SLC36A4: variants seen among roughly 807,000 people sequenced by gnomAD.
The protein encoded by SLC36A4 is neutral amino acid uniporter 4.
Under a neutral mutation model 50.5 loss-of-function variants are expected in SLC36A4, and 49 were observed. That is an observed-to-expected ratio of 0.97 (90% CI 0.77 to 1.23). The LOEUF (loss-of-function observed/expected upper bound fraction) is 1.23. SLC36A4 is among the 50% of genes most tolerant of loss of function. The pLI, the probability that SLC36A4 is intolerant of heterozygous loss-of-function variation, is 0.00. For synonymous variants in SLC36A4, 207 were observed against 206.5 expected, an observed-to-expected ratio of 1.00 and a Z score of -0.02; for missense variants, 611 against 608.4, an observed-to-expected ratio of 1.00 and a Z score of -0.05.
At position 93,166,017 on chromosome 11, in the gene SLC36A4, C is replaced by T; in HGVS notation, c.769-1G>A. 6.3e-7 allele frequency: 1 copy of T among 1,591,314 alleles called. No individual in the cohort carries two copies. The highest frequency in any genetic ancestry group is 8.5e-7 in the Non-Finnish European group (1 of 1,169,592). On this transcript the variant is annotated splice_acceptor_variant, in intron 7 of 10. Coordinates refer to ENST00000326402, the MANE Select transcript of SLC36A4 (RefSeq NM_152313.4). LOFTEE classifies it high-confidence loss of function. Reference sequence around the variant, plus strand: ...GAAGGTTGTGGGGATCTGGCATGTTCTAAAGAAAGGAAGAAAAAAAGAAGA... The same window carrying T: ...GAAGGTTGTGGGGATCTGGCATGTTTTAAAGAAAGGAAGAAAAAAAGAAGA...
intron 7 of SLC36A4, 48 bp from the exon 8 acceptor site, chr11:93,166,064 CT>C: frequency 7.1e-7 from 1 of 1,406,484 alleles, no homozygotes; most frequent in South Asian, 1.3e-5. Flanking sequence ...TTTACTTATT[CT>C]AAATAATTAA....
In SLC36A4 at chr11:93,168,861, AACAAATATGATTT is replaced by A. The variant is rs1387586271; in HGVS notation, c.541-703_541-691del. Among the ~76,000 whole-genome samples, 8 of 152,200 alleles carry A rather than the reference AACAAATATGATTT, an allele frequency of 5.3e-5. No homozygotes were observed. In the East Asian group the frequency reaches 9.6e-4, roughly 18 times the overall value. ...CTATAACCCAATTTTCAGATTTCAA[AACAAATATGATTT>A]ACAAATATGATTTACAGTCTCCATA... is the stretch of plus-strand genomic sequence containing the variant. On this transcript the variant is annotated intron_variant, in intron 6 of 10. Coordinates refer to ENST00000326402, the MANE Select transcript of SLC36A4 (RefSeq NM_152313.4).
intron 6 of SLC36A4, among the ~76,000 whole-genome samples, chr11:93,179,396 T>C (rs1254256479): frequency 6.6e-6 from 1 of 152,152 alleles, no homozygotes; most frequent in Non-Finnish European, 1.5e-5. Flanking sequence ...TTAACTTCAG[T>C]ACAGCATGAT....
rs1342924114 is a variant in SLC36A4, at chr11:93,172,422, T to C, written c.541-4251A>G. On this transcript the variant is annotated intron_variant, in intron 6 of 10. Transcript: ENST00000326402. Reference sequence around the variant, plus strand: ...GTCCCCTCCCACTCTTCCCCCCAAGTCCCCAAAGTCCACTGTATCATTCTT... The same window carrying C: ...GTCCCCTCCCACTCTTCCCCCCAAGCCCCCAAAGTCCACTGTATCATTCTT... Among the ~76,000 whole-genome samples, 3 of 151,342 alleles carry C rather than the reference T, an allele frequency of 2.0e-5. No individual in the cohort carries two copies. The East Asian group carries it at 5.8e-4, about 29-fold the overall frequency.
intron 9 of SLC36A4, among the ~76,000 whole-genome samples, chr11:93,157,998 A>G (rs922640498): frequency 6.6e-6 from 1 of 152,210 alleles, no homozygotes; most frequent in African/African-American, 2.4e-5. Context: ...CTGCTATAAC[A>G]TATTTATCAT....
At chr11:93,177,691 A>G (rs1376545325) in intron 6 of SLC36A4, among the ~76,000 whole-genome samples, 2 of 152,170 alleles carry the variant, frequency 1.3e-5, no homozygotes, top group African/African-American at 2.4e-5. Context: ...AAGAGCTAAT[A>G]TTGCAGAACG....
intron 1 of SLC36A4, among the ~76,000 whole-genome samples, chr11:93,188,472 G>A (rs1039151383): frequency 6.6e-6 from 1 of 152,166 alleles, no homozygotes; most frequent in African/African-American, 2.4e-5. Context: ...CAAAACTGAT[G>A]AGGATTTTCT....
intron 9 of SLC36A4, among the ~76,000 whole-genome samples, chr11:93,159,559 T>C (rs906265284): frequency 2.0e-5 from 3 of 152,174 alleles, no homozygotes; most frequent in African/African-American, 7.2e-5. Context: ...GTCATCTTAA[T>C]TGAGAACTAT....
intron 1 of SLC36A4, among the ~76,000 whole-genome samples, chr11:93,192,507 T>C (rs1452822125): frequency 1.3e-5 from 2 of 152,188 alleles, no homozygotes; most frequent in Non-Finnish European, 1.5e-5. Flanking sequence ...TGCAATGTAA[T>C]ATAAATGTAA....
intron 5 of SLC36A4, 42 bp downstream of exon 5, chr11:93,181,649 T>C: frequency 2.2e-6 from 3 of 1,381,892 alleles, no homozygotes; most frequent in Non-Finnish European, 2.8e-6. Context: ...AAAATTAACA[T>C]AATTTTAACA....
chr11:93,150,602 T>C (rs1860039833), intron 10 of SLC36A4, among the ~76,000 whole-genome samples: 1 of 152,010 alleles, frequency 6.6e-6, no homozygotes. Context: ...AATGAAATAA[T>C]TGACTCTAAA....
intron 8 of SLC36A4, among the ~76,000 whole-genome samples, chr11:93,165,108 TCA>T (rs1661520175): frequency 2.0e-5 from 3 of 152,158 alleles, no homozygotes; most frequent in Admixed American, 2.0e-4. Flanking sequence ...AAAGGAGAAT[TCA>T]CAGAGAGCAG....
At chr11:93,193,910 G>T (rs373268776) in intron 1 of SLC36A4, among the ~76,000 whole-genome samples, 5 of 152,062 alleles carry the variant, frequency 3.3e-5, no homozygotes, top group African/African-American at 9.7e-5. Flanking sequence ...CATTACTGAC[G>T]TTGAAAATTG....
Position 93,148,713 on chromosome 11 carries a change from T to C in SLC36A4, c.1339A>G (p.Ile447Val), listed in dbSNP as rs769698845. 87 of 1,612,848 alleles carry C rather than the reference T, an allele frequency of 5.4e-5. No homozygotes were observed. Among genetic ancestry groups the C allele is most frequent in the Non-Finnish European group, 7.3e-5 (86 of 1,179,350 alleles). ...ILTFSKEHYN[I>V]WMVLKNISIA... Reference sequence around the variant, plus strand: ...GAAATATTTTTCAGGACCATCCATATATTATAATGTTCCTTCGAAAATGTA... The same window carrying C: ...GAAATATTTTTCAGGACCATCCATACATTATAATGTTCCTTCGAAAATGTA... Residue 447 changes from isoleucine (I) to valine (V), a missense_variant, in exon 11 of 11, where the codon ATA becomes GTA. Transcript: ENST00000326402.
rs752118168 is a variant in SLC36A4 at position 93,162,747 on chromosome 11, T to C, written c.996A>G (p.Glu332=). The C allele has an allele frequency of 1.9e-6, 3 of 1,612,782 alleles. No individual in the cohort carries two copies. The highest frequency in any genetic ancestry group is 3.4e-5 in the Admixed American group (2 of 59,676). ...ATLGYMCFHD[E]IKGSITLNLP... ...GATTTAAAGTTATGCTGCCTTTGAT[T>C]TCATCATGGAAACACATATATCCTA... is the stretch of plus-strand genomic sequence containing the variant. The change falls in exon 9 of 11, where the codon GAA becomes GAG. Residue 332 remains glutamate (E), a synonymous_variant. Transcript: ENST00000326402.
At chr11:93,183,675 G>A (rs1384196180) in intron 3 of SLC36A4, among the ~76,000 whole-genome samples, 2 of 151,624 alleles carry the variant, frequency 1.3e-5, no homozygotes, top group Non-Finnish European at 2.9e-5. Flanking sequence ...AAAAGTTATT[G>A]TTATTACTTT....
rs762051458 is a variant in SLC36A4, at chr11:93,167,956, C to T, written c.756G>A (p.Gln252=). Residue 252 remains glutamine (Q), a synonymous_variant, in exon 7 of 11, where the codon CAG becomes CAA. Coordinates refer to ENST00000326402, the MANE Select transcript of SLC36A4 (RefSeq NM_152313.4). ...TTTTTATACTTACCCTGACAACATA[C>T]TGGTAAATTATCACAAGACTGACAG... is the stretch of plus-strand genomic sequence containing the variant. The part of the protein sequence containing the change: ...SMAVSLVIIY[Q]YVVRNMPDPH... 1.2e-6 allele frequency: 2 copies of T among 1,603,824 alleles called. No homozygotes were observed. The highest frequency in any genetic ancestry group is 2.2e-5 in the South Asian group (2 of 89,208).
intron 8 of SLC36A4, 129 bp downstream of exon 8, chr11:93,165,789 A>C (rs1301290184): frequency 1.8e-6 from 1 of 563,554 alleles, no homozygotes; most frequent in Non-Finnish European, 2.9e-6. Context: ...CTATCACACC[A>C]AATTGGAAAT....
chr11:93,193,051 C>CTT (rs149190374), intron 1 of SLC36A4: 7 of 706,476 alleles, frequency 9.9e-6, no homozygotes, highest in Non-Finnish European at 1.2e-5. Flanking sequence ...TCAATAAACA[C>CTT]TTTTTTTGTC....
Sources: gnomAD v4.1 joint callset for allele counts (sites outside exome capture counted in the v4.1 genomes callset) on GRCh38, gnomAD v4.1.1 for gene constraint, MANE v1.5 for transcripts, NCBI Gene and HGNC (gene_info 2026-07-23, HGNC 2026-07-21) for gene names.